ADAMTSL1: variants seen among roughly 807,000 people sequenced by gnomAD.
The protein encoded by ADAMTSL1 is ADAMTS like 1.
ADAMTSL1 carries 126 observed loss-of-function variants against 201.8 expected under a neutral mutation model. The ratio of observed to expected loss-of-function variants is 0.62; its 90% confidence interval spans 0.54 to 0.72. ADAMTSL1 has a LOEUF of 0.72. ADAMTSL1 is among the 30% of genes least tolerant of loss of function. The probability of loss-of-function intolerance (pLI) is 0.00; values close to 1 mark genes in which losing one functional copy is unlikely to be tolerated. For missense variants in ADAMTSL1, 2,679 were observed against 2,277.8 expected, an observed-to-expected ratio of 1.18 and a Z score of -3.59; for synonymous variants, 1,121 against 903.4, an observed-to-expected ratio of 1.24 and a Z score of -4.32.
At chr9:18,518,376 C>G (rs1587437248) in intron 2 of ADAMTSL1, among the ~76,000 whole-genome samples, 1 of 152,144 alleles carries the variant, frequency 6.6e-6, no homozygotes, top group African/African-American at 2.4e-5. Flanking sequence ...TGTTTAGCTC[C>G]TGCTTATAGG....
intron 2 of ADAMTSL1, among the ~76,000 whole-genome samples, chr9:18,428,043 C>T (rs959322001): frequency 6.6e-6 from 1 of 152,178 alleles, no homozygotes; most frequent in Admixed American, 6.5e-5. Context: ...CTGTGTTTCC[C>T]AAACAAGGTT....
intron 2 of ADAMTSL1, among the ~76,000 whole-genome samples, chr9:18,406,178 A>G (rs1389908995): frequency 6.6e-6 from 1 of 152,210 alleles, no homozygotes; most frequent in African/African-American, 2.4e-5. Context: ...CCATTGCTGA[A>G]TGCATGAGGG....
intron 1 of ADAMTSL1, among the ~76,000 whole-genome samples, chr9:18,043,996 A>G (rs1020973693): frequency 6.8e-6 from 1 of 146,922 alleles, no homozygotes; most frequent in Non-Finnish European, 1.5e-5. Flanking sequence ...CTTCCCATCT[A>G]GTATGTTACT....
intron 1 of ADAMTSL1, among the ~76,000 whole-genome samples, chr9:17,924,464 T>C (rs1826439554): frequency 6.6e-6 from 1 of 152,224 alleles, no homozygotes; most frequent in African/African-American, 2.4e-5. Context: ...GTGGGATCGG[T>C]GGTGATATCC....
intron 2 of ADAMTSL1, among the ~76,000 whole-genome samples, chr9:18,456,743 A>C (rs1225726661): frequency 1.3e-5 from 2 of 152,252 alleles, no homozygotes; most frequent in African/African-American, 4.8e-5. Context: ...CTGGCTTACC[A>C]CCTTCCTGTT....
intron 1 of ADAMTSL1, among the ~76,000 whole-genome samples, chr9:17,915,451 C>A (rs569836684): frequency 6.6e-6 from 1 of 152,148 alleles, no homozygotes; most frequent in Non-Finnish European, 1.5e-5. Context: ...GTTTGTTGTC[C>A]ATCAGCATTC....
intron 1 of ADAMTSL1, among the ~76,000 whole-genome samples, chr9:18,091,564 C>A (rs958395314): frequency 4.6e-5 from 7 of 152,228 alleles, no homozygotes; most frequent in African/African-American, 1.7e-4. Flanking sequence ...GTGTCTAGGA[C>A]ACTAAGACAT....
At chr9:18,702,984 A>G (rs1832010608) in intron 13 of ADAMTSL1, among the ~76,000 whole-genome samples, 1 of 151,836 alleles carries the variant, frequency 6.6e-6, no homozygotes, top group Admixed American at 6.6e-5. Context: ...CTGGTCTCAG[A>G]CTCCTGACCT....
chr9:18,169,755 G>T (rs2132119130), intron 2 of ADAMTSL1, among the ~76,000 whole-genome samples: 1 of 152,240 alleles, frequency 6.6e-6, no homozygotes, highest in South Asian at 2.1e-4. Flanking sequence ...TCCTACCCAT[G>T]AGCATGGAAT....
rs551866229 is a variant in ADAMTSL1 at position 18,656,630 on chromosome 9, A to C, written c.835-1009A>C. Among the ~76,000 whole-genome samples, 58 of 147,998 alleles carry C rather than the reference A, an allele frequency of 3.9e-4. 1 individual carries two copies. The highest frequency in any genetic ancestry group is 1.4e-3 in the African/African-American group (56 of 40,762). ...AGCAACAGAGCAAGACTCCATCGCA[A>C]AAAAAAAAAAAAAAAGAAAATGTTA... is the stretch of plus-strand genomic sequence containing the variant. On this transcript the variant is annotated intron_variant, in intron 7 of 28. Coordinates refer to ENST00000380548, the MANE Select transcript of ADAMTSL1 (RefSeq NM_001040272.6).
intron 1 of ADAMTSL1, among the ~76,000 whole-genome samples, chr9:18,128,397 CT>C (rs1451254680): frequency 6.6e-6 from 1 of 152,156 alleles, no homozygotes; most frequent in Non-Finnish European, 1.5e-5. Flanking sequence ...GGTCTCACTC[CT>C]GCCACCCAGG....
At chr9:18,283,828 C>T (rs1327772485) in intron 2 of ADAMTSL1, among the ~76,000 whole-genome samples, 1 of 148,062 alleles carries the variant, frequency 6.8e-6, no homozygotes, top group African/African-American at 2.5e-5. Flanking sequence ...AGGAGAATGG[C>T]ATGAACCCAG....
intron 1 of ADAMTSL1, among the ~76,000 whole-genome samples, chr9:18,072,400 A>G (rs1339981716): frequency 1.3e-5 from 2 of 152,156 alleles, no homozygotes; most frequent in Admixed American, 1.3e-4. Flanking sequence ...GCAGTATTGG[A>G]TCATTTGCCT....
chr9:17,994,537 G>A (rs1034619940), intron 1 of ADAMTSL1, among the ~76,000 whole-genome samples: 15 of 152,220 alleles, frequency 9.9e-5, no homozygotes, highest in Admixed American at 3.3e-4. Context: ...CCACTTTTGT[G>A]TTGTACTTTT....
chr9:18,119,633 C>T (rs1825414458), intron 1 of ADAMTSL1, among the ~76,000 whole-genome samples: 2 of 152,178 alleles, frequency 1.3e-5, no homozygotes, highest in South Asian at 4.2e-4. Context: ...TGATGTACTA[C>T]AGAGCAGGTG....
chr9:18,405,360 T>G (rs2133284695), intron 2 of ADAMTSL1, among the ~76,000 whole-genome samples: 1 of 152,262 alleles, frequency 6.6e-6, no homozygotes, highest in African/African-American at 2.4e-5. Context: ...ACCATGAGGT[T>G]GGTGAGAGGA....
Position 18,013,477 on chromosome 9 carries a change from C to A in ADAMTSL1, c.87+106555C>A, listed in dbSNP as rs1164663382. Reference sequence around the variant, plus strand: ...GAGTTCAAGTAAAATTGCAGAGCAACAAAGTTTGTAAATTTTTAAGTGAAG... The same window carrying A: ...GAGTTCAAGTAAAATTGCAGAGCAAAAAAGTTTGTAAATTTTTAAGTGAAG... On this transcript the variant is annotated intron_variant, in intron 1 of 29. Transcript: ENST00000680146. Among the ~76,000 whole-genome samples, 6 of 151,992 alleles carry A rather than the reference C, an allele frequency of 3.9e-5. No homozygotes were observed. In the East Asian group the frequency reaches 9.7e-4, roughly 25 times the overall value.
chr9:18,905,041 G>A (rs1830224462), intron 26 of ADAMTSL1, among the ~76,000 whole-genome samples: 2 of 152,112 alleles, frequency 1.3e-5, no homozygotes, highest in Admixed American at 6.5e-5. Flanking sequence ...GGAACCCTAG[G>A]GATCCAAAGA....
intron 2 of ADAMTSL1, among the ~76,000 whole-genome samples, chr9:18,413,524 A>G (rs996208105): frequency 1.1e-4 from 16 of 152,048 alleles, no homozygotes; most frequent in African/African-American, 3.4e-4. Flanking sequence ...TGTAATAGTT[A>G]TTTTGCCACC....
Sources: allele counts gnomAD v4.1 joint callset (sites outside exome capture counted in the v4.1 genomes callset), GRCh38; gene constraint gnomAD v4.1.1; transcripts MANE v1.5; gene names NCBI Gene and HGNC (gene_info 2026-07-23, HGNC 2026-07-21).